Variants in GNB1L observed in about 807,000 individuals in gnomAD.
GNB1L encodes G protein subunit beta 1 like.
Under a neutral mutation model 29.1 loss-of-function variants are expected in GNB1L, and 20 were observed. The observed-to-expected ratio is 0.69, with a 90% CI of 0.48 to 1.00. The LOEUF is 1.00. Among genes scored for constraint, GNB1L ranks in the 50% least tolerant of loss-of-function variants. The pLI, the probability that GNB1L is intolerant of heterozygous loss-of-function variation, is 0.00. For synonymous variants in GNB1L, 193 were observed against 206.5 expected (o/e 0.93, Z 0.56); for missense variants, 421 against 464.9 (o/e 0.91, Z 0.87).
At chr22:19,812,140 G>A (rs2145875439) in intron 5 of GNB1L, 145 bp downstream of exon 5, 1 of 797,250 alleles carries the variant, frequency 1.3e-6, no homozygotes, top group South Asian at 1.8e-5. Flanking sequence ...CTAGCCGGCT[G>A]TGCATCAGCC....
Position 19,798,492 on chromosome 22 carries a change from G to C in GNB1L, c.732+3509C>G, listed in dbSNP as rs539875673. Among the ~76,000 whole-genome samples, 7 of 152,288 alleles carry C rather than the reference G, an allele frequency of 4.6e-5. No individual in the cohort carries two copies. The South Asian group carries it at 1.5e-3, about 32-fold the overall frequency. Reference sequence around the variant, plus strand: ...CCCTCTTGACAGGAATTTGCTGGCAGGTCCTTCCCAGGGAGAAAAGAGCTG... The same window carrying C: ...CCCTCTTGACAGGAATTTGCTGGCACGTCCTTCCCAGGGAGAAAAGAGCTG... On this transcript the variant is annotated intron_variant, in intron 7 of 7. Transcript: ENST00000329517.
intron 2 of GNB1L, among the ~76,000 whole-genome samples, chr22:19,823,757 C>T (rs930955147): frequency 6.6e-6 from 1 of 152,150 alleles, no homozygotes; most frequent in African/African-American, 2.4e-5. Flanking sequence ...AAAACCCACA[C>T]ATAGGACACA....
chr22:19,811,751 G>T (rs1353264435), intron 5 of GNB1L, among the ~76,000 whole-genome samples: 1 of 152,030 alleles, frequency 6.6e-6, no homozygotes, highest in Non-Finnish European at 1.5e-5. Flanking sequence ...TCACCACCTT[G>T]TGCCTGCACC....
At chr22:19,849,449 C>T (rs1938044172) in intron 2 of GNB1L, 1 of 340,292 alleles carries the variant, frequency 2.9e-6, no homozygotes, top group South Asian at 1.2e-4. Flanking sequence ...GCTCACCACA[C>T]CCTCTGCCTC....
chr22:19,819,181 G>A (rs921100318), intron 4 of GNB1L, among the ~76,000 whole-genome samples: 2 of 152,232 alleles, frequency 1.3e-5, no homozygotes, highest in Non-Finnish European at 2.9e-5. Flanking sequence ...CAGGGCCGCA[G>A]CACGTGGGGT....
chr22:19,851,100 A>G (rs1461036266), intron 2 of GNB1L: 2 of 1,499,764 alleles, frequency 1.3e-6, no homozygotes, highest in Admixed American at 2.3e-5. Context: ...ACTGGGGACT[A>G]TGGGGCGCTC....
In GNB1L at chr22:19,847,812, A is replaced by G. The variant is rs1938000163; in HGVS notation, c.-21+6631T>C. 5.3e-6 allele frequency: 5 copies of G among 936,760 alleles called. No individual in the cohort carries two copies. In the South Asian group the frequency reaches 2.5e-4, roughly 46 times the overall value. 58.0% of individuals were successfully genotyped at this position (936,760 alleles called of 1,614,324 possible). On this transcript the variant is annotated intron_variant, in intron 2 of 7. Coordinates refer to ENST00000329517, the MANE Select transcript of GNB1L (RefSeq NM_053004.3). Reference sequence around the variant, plus strand: ...AATCCTGGAATCATAGGCAAAAAAAAAAAAAAAAAAAAATTCACCCATATT... The same window carrying G: ...AATCCTGGAATCATAGGCAAAAAAAGAAAAAAAAAAAAATTCACCCATATT...
intron 4 of GNB1L, among the ~76,000 whole-genome samples, chr22:19,818,730 T>C (rs1251282964): frequency 6.6e-6 from 1 of 152,194 alleles, no homozygotes; most frequent in Non-Finnish European, 1.5e-5. Flanking sequence ...GTGATGGTGA[T>C]GGCACGGAGT....
At chr22:19,801,314 C>A (rs55690959) in intron 7 of GNB1L, among the ~76,000 whole-genome samples, 3 of 152,216 alleles carry the variant, frequency 2.0e-5, no homozygotes, top group Admixed American at 2.0e-4. Flanking sequence ...CTCCCATGGT[C>A]TCTGCAGCCC....
At chr22:19,852,078 T>C (rs1482019216) in intron 2 of GNB1L, 2 of 1,614,224 alleles carry the variant, frequency 1.2e-6, no homozygotes, top group Non-Finnish European at 1.7e-6. Context: ...TTCTGCTCCA[T>C]GGTCGTTCGC....
chr22:19,823,925 C>T (rs983743562), intron 2 of GNB1L, among the ~76,000 whole-genome samples: 1 of 152,248 alleles, frequency 6.6e-6, no homozygotes, highest in African/African-American at 2.4e-5. Context: ...GAAGCACACA[C>T]ACAGACAGCA....
intron 7 of GNB1L, among the ~76,000 whole-genome samples, chr22:19,801,036 C>T (rs1937364787): frequency 6.6e-6 from 1 of 152,210 alleles, no homozygotes; most frequent in African/African-American, 2.4e-5. Flanking sequence ...TCTGTGGCCT[C>T]CTGTCGTACA....
chr22:19,806,981 G>A (rs867211756), intron 5 of GNB1L, among the ~76,000 whole-genome samples: 16 of 152,206 alleles, frequency 1.1e-4, no homozygotes, highest in African/African-American at 2.9e-4. Flanking sequence ...AGCCTCTCCC[G>A]ACGTTACCGT....
At chr22:19,833,443 C>T (rs560527370) in intron 2 of GNB1L, among the ~76,000 whole-genome samples, 29 of 152,284 alleles carry the variant, frequency 1.9e-4, no homozygotes, top group Non-Finnish European at 4.4e-5. Context: ...TGGTGGCTTA[C>T]ATCTGTAATC....
At chr22:19,831,792 T>C (rs565119173) in intron 2 of GNB1L, among the ~76,000 whole-genome samples, 1 of 151,814 alleles carries the variant, frequency 6.6e-6, no homozygotes, top group South Asian at 2.1e-4. Flanking sequence ...AATAAACTTT[T>C]CAATATTAAG....
intron 2 of GNB1L, among the ~76,000 whole-genome samples, chr22:19,853,380 C>G (rs567575151): frequency 6.6e-6 from 1 of 152,264 alleles, no homozygotes; most frequent in South Asian, 2.1e-4. Flanking sequence ...AGCCAGTAGC[C>G]AGTTCTATTC....
chr22:19,808,216 C>T (rs560443055), intron 5 of GNB1L, among the ~76,000 whole-genome samples: 14 of 152,314 alleles, frequency 9.2e-5, no homozygotes, highest in South Asian at 6.2e-4. Flanking sequence ...CCCACACAAA[C>T]GCATGCACAC....
At chr22:19,795,840 G>C (rs928498603) in intron 7 of GNB1L, among the ~76,000 whole-genome samples, 87 of 152,262 alleles carry the variant, frequency 5.7e-4, no homozygotes, top group Non-Finnish European at 1.9e-4. Context: ...CGGCCCCTCA[G>C]CATCCAGGCC....
Position 19,812,409 on chromosome 22 carries a change from G to A in GNB1L, c.293C>T (p.Ala98Val), listed in dbSNP as rs894697500. ...RDLKLCLWDL[A>V]EGRSAVVDSV... ...GTCCACGACAGCGCTCCTGCCCTCC[G>A]CGAGGTCCCACAGGCACAGCTTCAG... The change falls in exon 5 of 8, where the codon GCG becomes GTG. Residue 98 changes from alanine (A) to valine (V), a missense_variant. Transcript: ENST00000329517. 24 of 1,613,168 alleles carry A rather than the reference G, an allele frequency of 1.5e-5. No homozygotes were observed. Among genetic ancestry groups the A allele is most frequent in the African/African-American group, 8.0e-5 (6 of 74,932 alleles).
Sources: allele counts gnomAD v4.1 joint callset (sites outside exome capture counted in the v4.1 genomes callset), GRCh38; gene constraint gnomAD v4.1.1; transcripts MANE v1.5; gene names NCBI Gene and HGNC (gene_info 2026-07-23, HGNC 2026-07-21).